Variants in ADCY2 observed in about 807,000 individuals in gnomAD.
The protein encoded by ADCY2 is adenylate cyclase 2.
A neutral mutation model predicts 125.2 loss-of-function variants in ADCY2; 31 were observed. The ratio of observed to expected loss-of-function variants is 0.25; its 90% CI spans 0.19 to 0.33. The LOEUF (loss-of-function observed/expected upper bound fraction) is 0.33, where lower values mean the gene tolerates loss of function less well. ADCY2 is among the 10% of genes least tolerant of loss of function. ADCY2 has a pLI of 1.00. For synonymous variants in ADCY2, 512 were observed against 548.4 expected (o/e 0.93, Z 0.93); for missense variants, 904 against 1,418.2 (o/e 0.64, Z 5.82).
chr5:7,617,856 C>A (rs1421010237), intron 3 of ADCY2, among the ~76,000 whole-genome samples: 1 of 152,184 alleles, frequency 6.6e-6, no homozygotes, highest in Admixed American at 6.5e-5. Context: ...AGTGGCCAGG[C>A]ATGCTCTTTC....
chr5:7,656,937 G>A (rs1739357410), intron 4 of ADCY2, among the ~76,000 whole-genome samples: 1 of 152,198 alleles, frequency 6.6e-6, no homozygotes, highest in Admixed American at 6.5e-5. Flanking sequence ...CTTTCTAAGT[G>A]CCAACATGAT....
chr5:7,627,901 GT>G (rs1202850214), intron 4 of ADCY2, among the ~76,000 whole-genome samples: 1 of 152,152 alleles, frequency 6.6e-6, no homozygotes, highest in Non-Finnish European at 1.5e-5. Context: ...AATATGGTTT[GT>G]TTTTAAAAAA....
intron 3 of ADCY2, among the ~76,000 whole-genome samples, chr5:7,615,845 G>A (rs572472457): frequency 6.6e-6 from 1 of 152,258 alleles, no homozygotes; most frequent in Admixed American, 6.5e-5. Context: ...ATATTAAGAT[G>A]CAATGGGATA....
chr5:7,684,293 G>T (rs1442781954), intron 4 of ADCY2, among the ~76,000 whole-genome samples: 2 of 152,184 alleles, frequency 1.3e-5, no homozygotes, highest in African/African-American at 2.4e-5. Flanking sequence ...CTTGGGTGCT[G>T]GTGTGCCACA....
chr5:7,603,237 G>A (rs997057730), intron 3 of ADCY2, among the ~76,000 whole-genome samples: 2 of 152,182 alleles, frequency 1.3e-5, no homozygotes, highest in Admixed American at 1.3e-4. Context: ...GAAAGCCAAT[G>A]TGTGGATGTT....
rs11351180 is a variant in ADCY2, at chr5:7,779,574, ACC to A, written c.2385-4782_2385-4781del. ...GCAAAGGGCCAGCACTCCCAGTCCA[ACC>A]CCCCCCCCAACACACACTTTTGTCA... On this transcript the variant is annotated intron_variant, in intron 18 of 24. Coordinates refer to ENST00000338316, the MANE Select transcript of ADCY2 (RefSeq NM_020546.3). Among the ~76,000 whole-genome samples, 177 of 150,360 alleles carry A rather than the reference ACC, an allele frequency of 1.2e-3. 1 individual carries two copies. The highest frequency in any genetic ancestry group is 3.9e-3 in the African/African-American group (159 of 40,888).
intron 3 of ADCY2, among the ~76,000 whole-genome samples, chr5:7,565,035 A>G (rs753122318): frequency 2.0e-5 from 3 of 152,192 alleles, no homozygotes; most frequent in Non-Finnish European, 4.4e-5. Flanking sequence ...TCACTTAACA[A>G]ATAGAAATGC....
chr5:7,707,754 T>C lies in ADCY2; in HGVS notation c.1317T>C (p.Tyr439=), dbSNP rs149736529. 1.9e-6 allele frequency: 3 copies of C among 1,614,034 alleles called. No individual in the cohort carries two copies. The African/African-American group carries it at 4.0e-5, about 22-fold the overall frequency. The change falls in exon 9 of 25, where the codon TAT becomes TAC. Residue 439 remains tyrosine, a synonymous_variant. Coordinates refer to ENST00000338316, the MANE Select transcript of ADCY2 (RefSeq NM_020546.3). ...CCCTGGAGCACTTGAATGGCGCTTATAAAGTGGAGGAGGGAGATGGTGACA... is the reference window on the plus strand; with the variant it reads ...CCCTGGAGCACTTGAATGGCGCTTACAAAGTGGAGGAGGGAGATGGTGACA... ...SVTLEHLNGA[Y]KVEEGDGDIR...
At chr5:7,643,266 A>T (rs1554027410) in intron 4 of ADCY2, among the ~76,000 whole-genome samples, 1 of 151,972 alleles carries the variant, frequency 6.6e-6, no homozygotes, top group Non-Finnish European at 1.5e-5. Flanking sequence ...AAACAGATTA[A>T]TTTTTTCAGC....
rs148644713 is a variant in ADCY2, at chr5:7,403,157, AT to A, written c.210+6661del. On this transcript the variant is annotated intron_variant, in intron 1 of 24. Coordinates refer to ENST00000338316, the MANE Select transcript of ADCY2 (RefSeq NM_020546.3). Reference sequence around the variant, plus strand: ...CGTGTGTGTGTTTTTAGTGTCCTGTATTTTTTTTTTAGGTATATAGAGAAAA... The same window carrying A: ...CGTGTGTGTGTTTTTAGTGTCCTGTATTTTTTTTTAGGTATATAGAGAAAA... Among the ~76,000 whole-genome samples, 279 of 148,868 alleles carry A rather than the reference AT, an allele frequency of 1.9e-3. 1 individual carries two copies. The East Asian group carries it at 0.035, about 18-fold the overall frequency.
At chr5:7,811,026 T>A (rs1744925635) in intron 22 of ADCY2, among the ~76,000 whole-genome samples, 1 of 152,232 alleles carries the variant, frequency 6.6e-6, no homozygotes, top group Non-Finnish European at 1.5e-5. Context: ...GTAGTATTGC[T>A]GTAATATGCA....
At chr5:7,634,833 C>A (rs1738438646) in intron 4 of ADCY2, among the ~76,000 whole-genome samples, 1 of 151,808 alleles carries the variant, frequency 6.6e-6, no homozygotes, top group South Asian at 2.1e-4. Flanking sequence ...TGTAACTTAT[C>A]AAATCCATAA....
chr5:7,761,209 G>A (rs1336365197), intron 16 of ADCY2, among the ~76,000 whole-genome samples: 20 of 121,202 alleles, frequency 1.7e-4, no homozygotes, highest in African/African-American at 5.9e-4. Flanking sequence ...GAGTGCAATG[G>A]GGTGATCTTG....
At chr5:7,567,920 G>A (rs1045973061) in intron 3 of ADCY2, among the ~76,000 whole-genome samples, 3 of 117,934 alleles carry the variant, frequency 2.5e-5, no homozygotes, top group Non-Finnish European at 3.5e-5. Context: ...GTGCTCTGTC[G>A]TCCTCTCTTT....
chr5:7,729,517 T>G (rs1259567482), intron 14 of ADCY2, among the ~76,000 whole-genome samples: 1 of 151,870 alleles, frequency 6.6e-6, no homozygotes, highest in East Asian at 1.9e-4. Flanking sequence ...TACCATTTTA[T>G]TTTGTGTTTT....
chr5:7,490,505 A>G (rs1001667320), intron 2 of ADCY2, among the ~76,000 whole-genome samples: 4 of 152,192 alleles, frequency 2.6e-5, no homozygotes, highest in African/African-American at 7.2e-5. Flanking sequence ...CAGAGGCTTT[A>G]GTACATACAC....
At chr5:7,591,202 G>C (rs759258297) in intron 3 of ADCY2, among the ~76,000 whole-genome samples, 2 of 152,066 alleles carry the variant, frequency 1.3e-5, no homozygotes, top group Non-Finnish European at 2.9e-5. Flanking sequence ...TTTGTGAGTT[G>C]GTATACCTAT....
chr5:7,720,484 G>A (rs1048392804), intron 12 of ADCY2, among the ~76,000 whole-genome samples: 3 of 152,060 alleles, frequency 2.0e-5, no homozygotes, highest in Non-Finnish European at 2.9e-5. Context: ...TGCCATGTTG[G>A]TGTGCTGCAC....
In ADCY2 at chr5:7,679,746, G is replaced by A. The variant is rs182632034; in HGVS notation, c.721-10945G>A. On this transcript the variant is annotated intron_variant, in intron 4 of 24. Coordinates refer to ENST00000338316, the MANE Select transcript of ADCY2 (RefSeq NM_020546.3). ...TAAACGGAGGGACAGCTTTTGGAGG[G>A]AAGGTGACAGTTTCCATTTGCAAAC... 1.7e-3 allele frequency among the ~76,000 whole-genome samples: 261 copies of A among 152,328 alleles called. 5 individuals carry two copies. Among genetic ancestry groups the A allele is most frequent in the Admixed American group, 0.014 (210 of 15,302 alleles).
Sources: allele counts gnomAD v4.1 joint callset (sites outside exome capture counted in the v4.1 genomes callset), GRCh38; gene constraint gnomAD v4.1.1; transcripts MANE v1.5; gene names NCBI Gene and HGNC (gene_info 2026-07-23, HGNC 2026-07-21).